CYP2C19: variants seen among roughly 807,000 people sequenced by gnomAD.
The protein encoded by CYP2C19 is cytochrome P450 2C19.
CYP2C19 carries 59 observed loss-of-function variants against 40.9 expected under a neutral mutation model. The observed-to-expected ratio is 1.44, with a 90% CI of 1.17 to 1.79. The LOEUF (loss-of-function observed/expected upper bound fraction) is 1.79, where lower values mean the gene tolerates loss of function less well. CYP2C19 is among the 40% of genes most tolerant of loss of function. CYP2C19 has a pLI of 0.00. For missense variants in CYP2C19, 754 were observed against 596.9 expected (o/e 1.26, Z -2.74); for synonymous variants, 253 against 208.7 (o/e 1.21, Z -1.83).
intron 5 of CYP2C19, among the ~76,000 whole-genome samples, chr10:94,812,129 T>C (rs1019507881): frequency 6.6e-6 from 1 of 152,200 alleles, no homozygotes; most frequent in Non-Finnish European, 1.5e-5. Flanking sequence ...CTCCTTTGCC[T>C]ATGAAGCTTA....
chr10:94,826,408 C>G (rs1271538176), intron 6 of CYP2C19, among the ~76,000 whole-genome samples: 4 of 152,210 alleles, frequency 2.6e-5, no homozygotes, highest in Middle Eastern at 3.4e-3. Flanking sequence ...GTATTTTATT[C>G]TCTTTGAAGC....
chr10:94,767,865 G>A (rs1722964027), intron 1 of CYP2C19, among the ~76,000 whole-genome samples: 1 of 152,134 alleles, frequency 6.6e-6, no homozygotes, highest in African/African-American at 2.4e-5. Context: ...GGGAATACTG[G>A]GGCTTAATCT....
chr10:94,830,523 G>A (rs1291739377), intron 6 of CYP2C19, among the ~76,000 whole-genome samples: 1 of 152,106 alleles, frequency 6.6e-6, no homozygotes, highest in Non-Finnish European at 1.5e-5. Flanking sequence ...CTCCCGCAGG[G>A]TGCACGCACC....
chr10:94,771,641 A>T (rs1848333015), intron 1 of CYP2C19, among the ~76,000 whole-genome samples: 1 of 152,028 alleles, frequency 6.6e-6, no homozygotes, highest in South Asian at 2.1e-4. Flanking sequence ...GAGCCTGTTG[A>T]TGCCTGATTG....
At chr10:94,839,719 G>T (rs191250210) in intron 6 of CYP2C19, among the ~76,000 whole-genome samples, 9 of 152,318 alleles carry the variant, frequency 5.9e-5, no homozygotes, top group Admixed American at 3.3e-4. Flanking sequence ...TTCTAAATCT[G>T]CTTCCACAAG....
At chr10:94,820,261 A>G (rs926320644) in intron 5 of CYP2C19, among the ~76,000 whole-genome samples, 2 of 152,050 alleles carry the variant, frequency 1.3e-5, no homozygotes, top group Non-Finnish European at 2.9e-5. Context: ...AGAGCTATCT[A>G]TGACAAACCC....
intron 5 of CYP2C19, among the ~76,000 whole-genome samples, chr10:94,791,117 T>C (rs986944063): frequency 2.6e-5 from 4 of 152,168 alleles, no homozygotes; most frequent in African/African-American, 4.8e-5. Flanking sequence ...TGTCCGGGAA[T>C]TTATCCATTT....
chr10:94,799,483 G>C (rs1447144215), intron 5 of CYP2C19, among the ~76,000 whole-genome samples: 1 of 152,004 alleles, frequency 6.6e-6, no homozygotes, highest in Non-Finnish European at 1.5e-5. Context: ...ATGTGTCTTG[G>C]GGTTGCTCTT....
intron 5 of CYP2C19, among the ~76,000 whole-genome samples, chr10:94,801,444 T>A (rs1452534217): frequency 6.6e-6 from 1 of 152,222 alleles, no homozygotes; most frequent in Non-Finnish European, 1.5e-5. Flanking sequence ...TTGATTGCAC[T>A]GTGGTTTGAG....
rs563401995 is a variant in CYP2C19 at position 94,775,749 on chromosome 10, T to C, written c.481+210T>C. 9.8e-6 allele frequency: 7 copies of C among 713,154 alleles called. No individual in the cohort carries two copies. The African/African-American group carries it at 1.2e-4, about 13-fold the overall frequency. The allele number at this position is 713,154 out of a possible 1,614,324, so 44.2% of individuals were successfully genotyped here. A position where few individuals can be genotyped will look rare whatever the true frequency, so the allele number is the denominator to read the frequency against. ...CATGATTGTGCATACAGTGTGGGTA[T>C]AAAAGTTCATTTAATCCTATGTTCT... is the stretch of plus-strand genomic sequence containing the variant. On this transcript the variant is annotated intron_variant, in intron 3 of 8. Coordinates refer to ENST00000371321, the MANE Select transcript of CYP2C19 (RefSeq NM_000769.4).
intron 6 of CYP2C19, among the ~76,000 whole-genome samples, chr10:94,826,114 T>G (rs1444651811): frequency 6.6e-6 from 1 of 152,100 alleles, no homozygotes; most frequent in Middle Eastern, 3.2e-3. Context: ...TTTGTTCTTT[T>G]GGCTTAGGAA....
chr10:94,785,165 T>C (rs1848525479), intron 5 of CYP2C19, among the ~76,000 whole-genome samples: 2 of 152,122 alleles, frequency 1.3e-5, no homozygotes, highest in African/African-American at 4.8e-5. Flanking sequence ...AAGTTTAATT[T>C]TGATGAAGTT....
chr10:94,816,223 A>G (rs1424853560), intron 5 of CYP2C19, among the ~76,000 whole-genome samples: 1 of 150,886 alleles, frequency 6.6e-6, no homozygotes, highest in Non-Finnish European at 1.5e-5. Flanking sequence ...CATCCACTAC[A>G]CCATACAGTA....
At chr10:94,826,703 G>A (rs1364043578) in intron 6 of CYP2C19, among the ~76,000 whole-genome samples, 1 of 152,176 alleles carries the variant, frequency 6.6e-6, no homozygotes, top group African/African-American at 2.4e-5. Flanking sequence ...ATGTTGAATA[G>A]GAGTGGCAAG....
At chr10:94,804,498 G>C (rs1240342514) in intron 5 of CYP2C19, among the ~76,000 whole-genome samples, 1 of 152,184 alleles carries the variant, frequency 6.6e-6, no homozygotes, top group Admixed American at 6.5e-5. Context: ...CTTGGTCCCA[G>C]GTATGGGAAA....
At chr10:94,796,454 C>T (rs1564667779) in intron 5 of CYP2C19, among the ~76,000 whole-genome samples, 1 of 152,112 alleles carries the variant, frequency 6.6e-6, no homozygotes, top group Non-Finnish European at 1.5e-5. Flanking sequence ...GTTCTTTTGG[C>T]TTAGGATTGA....
intron 5 of CYP2C19, among the ~76,000 whole-genome samples, chr10:94,798,971 G>A (rs1342147331): frequency 6.6e-6 from 1 of 151,722 alleles, no homozygotes; most frequent in Non-Finnish European, 1.5e-5. Flanking sequence ...TACAGTGTGT[G>A]GCTTTTAATT....
intron 5 of CYP2C19, among the ~76,000 whole-genome samples, chr10:94,800,427 G>C (rs1055544717): frequency 2.6e-5 from 4 of 152,302 alleles, no homozygotes; most frequent in Non-Finnish European, 5.9e-5. Flanking sequence ...CGTGTATGAG[G>C]TGTCTGTTGG....
At chr10:94,795,604 G>T (rs1021243448) in intron 5 of CYP2C19, among the ~76,000 whole-genome samples, 23 of 152,044 alleles carry the variant, frequency 1.5e-4, no homozygotes, top group Non-Finnish European at 1.0e-4. Flanking sequence ...GGTTAAACTA[G>T]TTTACAGTCC....
Sources: allele counts gnomAD v4.1 joint callset (sites outside exome capture counted in the v4.1 genomes callset), GRCh38; gene constraint gnomAD v4.1.1; transcripts MANE v1.5; gene names NCBI Gene and HGNC (gene_info 2026-07-23, HGNC 2026-07-21).